KIAA1671: variants seen among roughly 807,000 people sequenced by gnomAD.
KIAA1671 encodes the protein uncharacterized protein KIAA1671.
In KIAA1671, 52 loss-of-function variants were observed where a neutral mutation model predicts 131.2. The ratio of observed to expected loss-of-function variants is 0.40; its 90% confidence interval spans 0.32 to 0.50. The LOEUF (loss-of-function observed/expected upper bound fraction) is 0.50. Among genes scored for constraint, KIAA1671 ranks in the 20% least tolerant of loss-of-function variants. The pLI is 0.73. For synonymous variants in KIAA1671, 1,003 were observed against 961.6 expected (o/e 1.04, Z -0.80); for missense variants, 2,360 against 2,364.2 (o/e 1.00, Z 0.04).
chr22:25,028,359 T>G lies in KIAA1671; in HGVS notation c.360T>G (p.Ser120Arg). Reference sequence around the variant, plus strand: ...GCTTGGTGGGGCAGGAGGTGGGCAGTGGGGAGGGCCCGAGGACGAGCTCGC... The same window carrying G: ...GCTTGGTGGGGCAGGAGGTGGGCAGGGGGGAGGGCCCGAGGACGAGCTCGC... ...MPGLVGQEVGSGEGPRTSSPL... is the reference protein window; with the variant it reads ...MPGLVGQEVGRGEGPRTSSPL... The change falls in exon 3 of 13, where the codon AGT (serine) becomes AGG (arginine). Residue 120 changes from serine (S) to arginine (R), a missense_variant. Around this residue, in one of 3 missense-constraint regions of KIAA1671, gnomAD observed 1,185 missense variants for 1,126.2 expected, o/e 1.05. Coordinates refer to ENST00000358431, the MANE Select transcript of KIAA1671 (RefSeq NM_001145206.2). 6.4e-7 allele frequency: 1 copy of G among 1,550,782 alleles called. No homozygotes were observed. The highest frequency in any genetic ancestry group is 8.7e-7 in the Non-Finnish European group (1 of 1,146,934).
At chr22:24,962,604 C>T (rs778777461) in intron 1 of KIAA1671, among the ~76,000 whole-genome samples, 1 of 152,182 alleles carries the variant, frequency 6.6e-6, no homozygotes, top group Non-Finnish European at 1.5e-5. Context: ...GAGCTGGCCT[C>T]ATGAGGTTGA....
At chr22:24,977,076 T>A (rs1272942288) in intron 1 of KIAA1671, among the ~76,000 whole-genome samples, 1 of 152,114 alleles carries the variant, frequency 6.6e-6, no homozygotes, top group Admixed American at 6.6e-5. Context: ...GTCATGAGGA[T>A]TGACCGAGAG....
At chr22:25,023,326 C>T (rs1235599843) in intron 1 of KIAA1671, 2 of 152,150 alleles carry the variant, frequency 1.3e-5, no homozygotes, top group East Asian at 3.8e-4. Flanking sequence ...GAGATTGTGC[C>T]ACTGGACTCC....
At chr22:24,979,077 C>T (rs1432096440) in intron 1 of KIAA1671, among the ~76,000 whole-genome samples, 1 of 151,430 alleles carries the variant, frequency 6.6e-6, no homozygotes, top group Non-Finnish European at 1.5e-5. Context: ...CTCACTGCAA[C>T]CTCTGCCTCC....
chr22:25,125,047 C>T (rs1296978703), intron 6 of KIAA1671, among the ~76,000 whole-genome samples: 1 of 152,232 alleles, frequency 6.6e-6, no homozygotes, highest in Non-Finnish European at 1.5e-5. Flanking sequence ...GCATGAGCCA[C>T]TGTTCCTGAC....
chr22:25,168,279 T>C (rs1220695339), intron 6 of KIAA1671, among the ~76,000 whole-genome samples: 5 of 152,234 alleles, frequency 3.3e-5, no homozygotes, highest in Non-Finnish European at 7.3e-5. Context: ...TCCTAGAGCC[T>C]GCGTCTGTGC....
At chr22:25,183,448 C>T (rs12165875) in intron 10 of KIAA1671, among the ~76,000 whole-genome samples, 1 of 121,162 alleles carries the variant, frequency 8.3e-6, no homozygotes. Flanking sequence ...CTCCCTCCCT[C>T]CCTCCCTCCC....
chr22:25,185,010 C>A lies in KIAA1671; in HGVS notation c.5233C>A (p.Pro1745Thr). The A allele has an allele frequency of 1.9e-6, 3 of 1,551,620 alleles. No individual in the cohort carries two copies. The highest frequency in any genetic ancestry group is 2.6e-6 in the Non-Finnish European group (3 of 1,146,988). ...GCACAAGAGGCCAGAGGTGGACAGT[C>A]CTGGCGAGACCCCCAGCTGGGCACC... The part of the protein sequence containing the change: ...QLHKRPEVDS[P>T]GETPSWAPQP... The change falls in exon 11 of 13, where the codon CCT (proline) becomes ACT (threonine). Residue 1745 changes from proline to threonine, a missense_variant. Pro to Thr is a conservative substitution (Grantham distance 38, BLOSUM62 -1). Around this residue, in one of 3 missense-constraint regions of KIAA1671, gnomAD observed 1,161 missense variants for 1,204.7 expected, o/e 0.96. Coordinates refer to ENST00000358431, the MANE Select transcript of KIAA1671 (RefSeq NM_001145206.2).
intron 6 of KIAA1671, among the ~76,000 whole-genome samples, chr22:25,148,385 C>T (rs1932932271): frequency 6.6e-6 from 1 of 152,086 alleles, no homozygotes; most frequent in Admixed American, 6.5e-5. Flanking sequence ...TGGCACAAGC[C>T]CCTGCTGTCC....
intron 1 of KIAA1671, among the ~76,000 whole-genome samples, chr22:24,990,332 C>A (rs907882517): frequency 5.9e-5 from 9 of 152,168 alleles, no homozygotes; most frequent in Non-Finnish European, 1.3e-4. Flanking sequence ...CTCAGGTAAT[C>A]CGCCTGCCTC....
chr22:25,081,938 A>G (rs973176530), intron 6 of KIAA1671, among the ~76,000 whole-genome samples: 6 of 152,116 alleles, frequency 3.9e-5, no homozygotes, highest in African/African-American at 7.2e-5. Context: ...GTGCATGTCT[A>G]TATTTCCAGC....
chr22:25,069,609 A>G (rs1240196369), intron 6 of KIAA1671, among the ~76,000 whole-genome samples: 1 of 152,160 alleles, frequency 6.6e-6, no homozygotes, highest in East Asian at 1.9e-4. Context: ...GACCTTGGCC[A>G]AGTCCCTTGA....
rs1195232806 is a variant in KIAA1671 at position 24,952,772 on chromosome 22, G to C, written c.-208G>C. The stretch of plus-strand genomic sequence containing the variant: ...CGGCGCGGGCTGGCGGTGGCTCCAC[G>C]GTAGGTTGCGCAGCGGCTGCGGGCA... On this transcript the variant is annotated splice_region_variant and 5_prime_UTR_variant, in exon 1 of 13. Transcript: ENST00000358431. This position sits in a 1 kb window ranked among gnomAD's most constrained non-coding sequence, Gnocchi z 4.5. 1 of 153,602 alleles carries C rather than the reference G, an allele frequency of 6.5e-6. No homozygotes were observed. The highest frequency in any genetic ancestry group is 1.5e-5 in the Non-Finnish European group (1 of 68,852). 9.5% of individuals were successfully genotyped at this position (153,602 alleles called of 1,614,324 possible).
intron 1 of KIAA1671, among the ~76,000 whole-genome samples, chr22:25,006,015 AG>A (rs1270579849): frequency 2.0e-5 from 3 of 152,072 alleles, no homozygotes; most frequent in African/African-American, 7.2e-5. Context: ...AGCATTGAAT[AG>A]CCAATTTTAT....
intron 6 of KIAA1671, among the ~76,000 whole-genome samples, chr22:25,089,834 T>C (rs746373091): frequency 2.3e-4 from 35 of 152,096 alleles, no homozygotes; most frequent in Non-Finnish European, 4.9e-4. Flanking sequence ...CTTTGCGCCC[T>C]TGTGTGTTTT....
At chr22:25,190,611 C>A in intron 11 of KIAA1671, 91 bp from the exon 12 acceptor site, 1 of 1,096,474 alleles carries the variant, frequency 9.1e-7, no homozygotes, top group Non-Finnish European at 1.4e-6. Context: ...CGCCTGGGCC[C>A]AGGGATAGAC....
chr22:25,060,496 A>T (rs1375739057), intron 6 of KIAA1671: 1 of 152,210 alleles, frequency 6.6e-6, no homozygotes, highest in African/African-American at 2.4e-5. Context: ...CCTGATTTCA[A>T]TGTGACATCT....
chr22:25,013,426 G>C (rs1222480342), intron 1 of KIAA1671: 1 of 152,164 alleles, frequency 6.6e-6, no homozygotes, highest in Non-Finnish European at 1.5e-5. Context: ...GGGACAGTGG[G>C]AGCTATTGAT....
intron 6 of KIAA1671, among the ~76,000 whole-genome samples, chr22:25,122,174 G>A (rs904663038): frequency 2.0e-4 from 30 of 152,140 alleles, no homozygotes; most frequent in Non-Finnish European, 7.3e-5. Context: ...AGTGGGACTC[G>A]ACTCCAGAGG....
Sources: allele counts gnomAD v4.1 joint callset (sites outside exome capture counted in the v4.1 genomes callset), GRCh38; gene constraint gnomAD v4.1.1; regional missense constraint gnomAD v4.1.1; non-coding constraint Gnocchi (gnomAD v3.1); transcripts MANE v1.5; gene names NCBI Gene and HGNC (gene_info 2026-07-23, HGNC 2026-07-21).